Variants in IL17B observed in about 807,000 individuals in gnomAD.
The protein encoded by IL17B is interleukin 17B.
Under a neutral mutation model 14.7 loss-of-function variants are expected in IL17B, and 14 were observed. That is an observed-to-expected ratio of 0.95 (90% CI 0.63 to 1.49). IL17B has a LOEUF of 1.49. IL17B is among the 40% of genes most tolerant of loss of function. The pLI, the probability that IL17B is intolerant of heterozygous loss-of-function variation, is 0.00. For missense variants in IL17B, 233 were observed against 252.8 expected, an observed-to-expected ratio of 0.92 and a Z score of 0.53; for synonymous variants, 105 against 94.8, an observed-to-expected ratio of 1.11 and a Z score of -0.62.
Position 149,374,995 on chromosome 5 carries a change from T to C in IL17B, c.312-395A>G. On this transcript the variant is annotated intron_variant, in intron 2 of 2. Coordinates refer to ENST00000261796, the MANE Select transcript of IL17B (RefSeq NM_014443.3). The surrounding 1 kb of genome is among the most constrained non-coding windows in gnomAD (Gnocchi z 5.0). ...TGGAAGTGGCCCAGTCACAGCTTACTGCAGCATCAGCCTCCCCAGGCTCAA... is the reference window on the plus strand; with the variant it reads ...TGGAAGTGGCCCAGTCACAGCTTACCGCAGCATCAGCCTCCCCAGGCTCAA... The C allele has an allele frequency of 5.9e-6, 1 of 169,522 alleles. No homozygotes were observed. The allele number at this position is 169,522 out of a possible 1,614,324, so 10.5% of individuals were successfully genotyped here. A position where few individuals can be genotyped will look rare whatever the true frequency, so the allele number is the denominator to read the frequency against.
chr5:149,398,550 G>C (rs993860133), intron 1 of IL17B, among the ~76,000 whole-genome samples: 2 of 152,178 alleles, frequency 1.3e-5, no homozygotes, highest in African/African-American at 4.8e-5. Flanking sequence ...ATTCTTTACT[G>C]TATTTGTCCA....
chr5:149,392,951 CGT>C (rs1222256851), intron 1 of IL17B, among the ~76,000 whole-genome samples: 2 of 134,804 alleles, frequency 1.5e-5, no homozygotes, highest in Non-Finnish European at 3.5e-5. Context: ...TGTGTGCGTG[CGT>C]GTGTGCGTGT....
chr5:149,376,806 G>A lies in IL17B; in HGVS notation c.241C>T (p.Gln81Ter), dbSNP rs547497109. The A allele has an allele frequency of 6.2e-7, 1 of 1,613,914 alleles. No individual in the cohort carries two copies. Among genetic ancestry groups the A allele is most frequent in the South Asian group, 1.1e-5 (1 of 91,054 alleles). ...TGCAAGTTGACCTCACACTTTCTCT[G>A]GGCCAGCTCTGAGCTGTTCCTCAGC... ...AQLRNSSELAQRKCEVNLQLW... is the reference protein window; with the variant it reads ...AQLRNSSELA Residue 81 changes from glutamine to a stop codon, truncating the protein, a stop_gained, in exon 2 of 3, where the codon CAG becomes TAG. Coordinates refer to ENST00000261796, the MANE Select transcript of IL17B (RefSeq NM_014443.3). LOFTEE classifies it high-confidence loss of function.
At chr5:149,400,044 T>C (rs1309896961) in intron 1 of IL17B, among the ~76,000 whole-genome samples, 1 of 152,186 alleles carries the variant, frequency 6.6e-6, no homozygotes, top group Non-Finnish European at 1.5e-5. Flanking sequence ...CCCTTACACA[T>C]GTTTAGGGTT....
At chr5:149,398,313 C>T (rs952477871) in intron 1 of IL17B, among the ~76,000 whole-genome samples, 2 of 152,226 alleles carry the variant, frequency 1.3e-5, no homozygotes, top group African/African-American at 2.4e-5. Flanking sequence ...TCAGGATTAT[C>T]ATGTTTGAGA....
intron 1 of IL17B, among the ~76,000 whole-genome samples, chr5:149,392,998 GCTGCGTGTGTGCATGT>G (rs905426438): frequency 4.2e-4 from 62 of 148,930 alleles, no homozygotes; most frequent in African/African-American, 1.5e-3. Flanking sequence ...GCGTGTGTGT[GCTGCGTGTGTGCATGT>G]CTGCGTGTGT....
chr5:149,399,421 C>T (rs1759165357), intron 1 of IL17B, among the ~76,000 whole-genome samples: 1 of 152,172 alleles, frequency 6.6e-6, no homozygotes, highest in Admixed American at 6.5e-5. Flanking sequence ...GCACACAATA[C>T]TCTGGACATA....
rs757523672 is a variant in IL17B at position 149,376,913 on chromosome 5, A to T, written c.134T>A (p.Val45Glu). The stretch of plus-strand genomic sequence containing the variant: ...CATCCGTGACACCAGGTCCAGTGGC[A>T]CCTGGTGAGGGCCAGGGGCCAGGGG... ...PGPLAPGPHQVPLDLVSRMKP... is the reference protein window; with the variant it reads ...PGPLAPGPHQEPLDLVSRMKP... The change falls in exon 2 of 3, where the codon GTG becomes GAG. Residue 45 changes from valine to glutamate, a missense_variant. By Grantham distance (121) the Val-to-Glu change is moderately radical (BLOSUM62 -2). Transcript: ENST00000261796. 6 of 1,613,960 alleles carry T rather than the reference A, an allele frequency of 3.7e-6. No individual in the cohort carries two copies. Among genetic ancestry groups the T allele is most frequent in the Non-Finnish European group, 8.5e-7 (1 of 1,179,948 alleles).
At chr5:149,390,452 C>T (rs1045971070) in intron 1 of IL17B, among the ~76,000 whole-genome samples, 4 of 152,076 alleles carry the variant, frequency 2.6e-5, no homozygotes, top group South Asian at 2.1e-4. Flanking sequence ...CCAGCTACCA[C>T]GTAGTGACAC....
intron 1 of IL17B, among the ~76,000 whole-genome samples, chr5:149,390,453 G>A (rs935057606): frequency 6.6e-6 from 1 of 151,876 alleles, no homozygotes; most frequent in Non-Finnish European, 1.5e-5. Flanking sequence ...CAGCTACCAC[G>A]TAGTGACACC....
intron 2 of IL17B, among the ~76,000 whole-genome samples, chr5:149,376,230 G>A (rs1252187065): frequency 3.3e-5 from 5 of 152,186 alleles, no homozygotes; most frequent in Admixed American, 2.0e-4. Flanking sequence ...CCTGCTGTGC[G>A]CCCTGATCAC....
upstream of IL17B, among the ~76,000 whole-genome samples, chr5:149,381,999 C>G (rs915763049): frequency 6.6e-6 from 1 of 152,234 alleles, no homozygotes; most frequent in Admixed American, 6.5e-5. Context: ...TGGGTGGCCG[C>G]GGTCTCGCTC....
intron 1 of IL17B, among the ~76,000 whole-genome samples, chr5:149,399,238 G>A (rs1317339090): frequency 1.3e-5 from 2 of 152,302 alleles, no homozygotes; most frequent in East Asian, 3.9e-4. Context: ...GTGCTGTCAG[G>A]TGGGCAGAGA....
rs1180210127 is a variant in IL17B at position 149,379,272 on chromosome 5, C to T, written c.-47G>A. 6.2e-7 allele frequency: 1 copy of T among 1,609,646 alleles called. No individual in the cohort carries two copies. The highest frequency in any genetic ancestry group is 1.3e-5 in the African/African-American group (1 of 74,816). ...CCTGCAGCTGCTGCCCGCCTGGAACCCCAGATGCCGCCGAGAGAATGGCAG... is the reference window on the plus strand; with the variant it reads ...CCTGCAGCTGCTGCCCGCCTGGAACTCCAGATGCCGCCGAGAGAATGGCAG... On this transcript the variant is annotated 5_prime_UTR_variant, in exon 1 of 3. Transcript: ENST00000261796.
intron 1 of IL17B, among the ~76,000 whole-genome samples, chr5:149,391,667 A>G (rs972211650): frequency 2.0e-5 from 3 of 152,096 alleles, no homozygotes; most frequent in Non-Finnish European, 4.4e-5. Flanking sequence ...CTCAAGTGTC[A>G]TTCCTGGGAA....
At chr5:149,379,125 C>T in intron 1 of IL17B, 80 bp downstream of exon 1, 1 of 1,537,980 alleles carries the variant, frequency 6.5e-7, no homozygotes, top group East Asian at 2.2e-5. Context: ...CAGAGGCAGC[C>T]ATTAATAAAT....
intron 1 of IL17B, among the ~76,000 whole-genome samples, chr5:149,402,689 T>TAAAA (rs370816490): frequency 1.0e-3 from 146 of 139,174 alleles, no homozygotes; most frequent in African/African-American, 3.8e-3. Flanking sequence ...ACCATGCTTT[T>TAAAA]AAAAAAAAAA....
At chr5:149,379,053 C>CT in intron 1 of IL17B, 152 bp downstream of exon 1, 1 of 929,642 alleles carries the variant, frequency 1.1e-6, no homozygotes, top group South Asian at 1.5e-5. Flanking sequence ...TGACCAGTCT[C>CT]TGTTTCTTTC....
intron 1 of IL17B, among the ~76,000 whole-genome samples, chr5:149,384,489 G>T (rs1237449008): frequency 6.6e-6 from 1 of 152,148 alleles, no homozygotes; most frequent in Admixed American, 6.5e-5. Context: ...TGATTATGAA[G>T]AGCCAGTATA....
Sources: allele counts gnomAD v4.1 joint callset (sites outside exome capture counted in the v4.1 genomes callset), GRCh38; gene constraint gnomAD v4.1.1; non-coding constraint Gnocchi (gnomAD v3.1); transcripts MANE v1.5; gene names NCBI Gene and HGNC (gene_info 2026-07-23, HGNC 2026-07-21).